Variants in CDH18 observed in about 807,000 individuals in gnomAD.
The protein encoded by CDH18 is cadherin 18.
In CDH18, 31 loss-of-function variants were observed where a neutral mutation model predicts 67.9. That is an observed-to-expected ratio of 0.46 (90% CI 0.34 to 0.62). The LOEUF is 0.62. Ranked by LOEUF, CDH18 falls within the 20% of genes least tolerant of loss-of-function variation. The pLI is 0.01. For synonymous variants in CDH18, 362 were observed against 347.2 expected (o/e 1.04, Z -0.48); for missense variants, 890 against 975.5 (o/e 0.91, Z 1.17).
intron 2 of CDH18, among the ~76,000 whole-genome samples, chr5:20,205,305 A>G (rs1163939772): frequency 6.6e-6 from 1 of 151,996 alleles, no homozygotes; most frequent in Non-Finnish European, 1.5e-5. Context: ...ATATAATAAT[A>G]AAAGATCAGT....
rs1277496785 is a variant in CDH18, at chr5:19,501,388, A to G, written c.1630+1604T>C. The stretch of plus-strand genomic sequence containing the variant: ...GAGGCCGAGGCGGGTAGATCACCTG[A>G]GGTCAGGAGTTCGAGATCAGCCTGG... On this transcript the variant is annotated intron_variant, in intron 11 of 12. Coordinates refer to ENST00000382275, the MANE Select transcript of CDH18 (RefSeq NM_004934.5). 2.7e-5 allele frequency among the ~76,000 whole-genome samples: 4 copies of G among 150,812 alleles called. No individual in the cohort carries two copies. In the Admixed American group the frequency reaches 2.7e-4, roughly 10 times the overall value.
intron 6 of CDH18, among the ~76,000 whole-genome samples, chr5:19,605,878 G>A (rs560082578): frequency 1.3e-5 from 2 of 152,074 alleles, no homozygotes; most frequent in African/African-American, 4.8e-5. Context: ...AAAGCACAGA[G>A]AAGAAGAAAC....
intron 5 of CDH18, among the ~76,000 whole-genome samples, chr5:19,642,851 G>A (rs904463585): frequency 6.6e-6 from 1 of 151,982 alleles, no homozygotes; most frequent in African/African-American, 2.4e-5. Flanking sequence ...ACAATTTGCT[G>A]CAAATAAAAC....
intron 1 of CDH18, among the ~76,000 whole-genome samples, chr5:20,345,852 A>G (rs1740657006): frequency 2.0e-5 from 3 of 152,108 alleles, no homozygotes; most frequent in Admixed American, 2.0e-4. Context: ...ATTTATAAGA[A>G]GTCCTCCACT....
chr5:20,549,726 A>G (rs868106250), intron 1 of CDH18, among the ~76,000 whole-genome samples: 1 of 152,144 alleles, frequency 6.6e-6, no homozygotes, highest in African/African-American at 2.4e-5. Context: ...ATAAACCGCT[A>G]TAGTAATTCA....
At chr5:20,479,665 A>T (rs77260160) in intron 1 of CDH18, among the ~76,000 whole-genome samples, 6,221 of 152,230 alleles carry the variant, frequency 0.041, 191 homozygotes, top group Non-Finnish European at 0.066. Context: ...TTGGCCTTAA[A>T]ATTATTGGCC....
intron 3 of CDH18, among the ~76,000 whole-genome samples, chr5:19,788,946 T>C (rs918739336): frequency 6.6e-6 from 1 of 152,128 alleles, no homozygotes; most frequent in African/African-American, 2.4e-5. Context: ...TAGGGGATTG[T>C]TTTTGGGGTG....
At chr5:19,960,300 C>T (rs1304783060) in intron 2 of CDH18, among the ~76,000 whole-genome samples, 24 of 151,874 alleles carry the variant, frequency 1.6e-4, no homozygotes, top group Non-Finnish European at 1.9e-4. Context: ...CTTTATTCTA[C>T]AAGCACTTCT....
chr5:20,057,977 G>A (rs2150503781), intron 2 of CDH18, among the ~76,000 whole-genome samples: 1 of 152,174 alleles, frequency 6.6e-6, no homozygotes, highest in East Asian at 1.9e-4. Context: ...AAAAAAGAAA[G>A]CCGTCATTAG....
chr5:19,612,662 A>G lies in CDH18; in HGVS notation c.644-61T>C. ...ATATAATAAGCAAGTATCAACAAAC[A>G]TACACATACATATTTTAAGAAATGT... On this transcript the variant is annotated intron_variant, in intron 5 of 12. Transcript: ENST00000382275. 3.4e-6 allele frequency: 4 copies of G among 1,181,646 alleles called. No individual in the cohort carries two copies. In the South Asian group the frequency reaches 4.0e-5, roughly 12 times the overall value. The allele number at this position is 1,181,646 out of a possible 1,614,324, so 73.2% of individuals were successfully genotyped here.
chr5:20,275,421 T>C (rs1745735821), intron 1 of CDH18, among the ~76,000 whole-genome samples: 1 of 152,160 alleles, frequency 6.6e-6, no homozygotes, highest in Admixed American at 6.5e-5. Flanking sequence ...TTATCATGCT[T>C]CCTGTTAAGC....
chr5:20,426,056 TA>T (rs1369969732), intron 1 of CDH18, among the ~76,000 whole-genome samples: 2 of 151,244 alleles, frequency 1.3e-5, no homozygotes, highest in East Asian at 1.9e-4. Context: ...TTTCATCAAA[TA>T]TTAGGCAATA....
intron 2 of CDH18, among the ~76,000 whole-genome samples, chr5:20,248,550 C>T (rs942160004): frequency 6.6e-6 from 1 of 152,158 alleles, no homozygotes; most frequent in Admixed American, 6.5e-5. Context: ...TCTCTGATGC[C>T]ATTTCCAGAG....
intron 8 of CDH18, among the ~76,000 whole-genome samples, chr5:19,544,633 G>A (rs1403223618): frequency 1.3e-5 from 2 of 152,020 alleles, no homozygotes; most frequent in African/African-American, 2.4e-5. Context: ...CTTATATTGC[G>A]TTAGATTTCA....
At chr5:20,106,002 T>C (rs1386372983) in intron 2 of CDH18, among the ~76,000 whole-genome samples, 1 of 152,164 alleles carries the variant, frequency 6.6e-6, no homozygotes, top group Non-Finnish European at 1.5e-5. Flanking sequence ...CTCTTTTCTG[T>C]CCCCCTTTTT....
chr5:19,715,665 GTATCT>G (rs1038175450), intron 5 of CDH18, among the ~76,000 whole-genome samples: 4 of 151,990 alleles, frequency 2.6e-5, no homozygotes, highest in Admixed American at 2.6e-4. Context: ...AGTTCATAAT[GTATCT>G]TATCTTTTTA....
chr5:20,089,214 C>T (rs957988629), intron 2 of CDH18, among the ~76,000 whole-genome samples: 2 of 152,022 alleles, frequency 1.3e-5, no homozygotes, highest in Non-Finnish European at 2.9e-5. Context: ...AAAACAAACT[C>T]AACAATAGAT....
chr5:19,511,478 A>G (rs1745105879), intron 10 of CDH18, among the ~76,000 whole-genome samples: 2 of 152,266 alleles, frequency 1.3e-5, no homozygotes, highest in South Asian at 2.1e-4. Context: ...GGAACTTTCT[A>G]GAGACTCGTT....
intron 2 of CDH18, among the ~76,000 whole-genome samples, chr5:20,030,140 A>C (rs1739265412): frequency 6.6e-6 from 1 of 152,056 alleles, no homozygotes; most frequent in Non-Finnish European, 1.5e-5. Flanking sequence ...ATACAACTTT[A>C]CTCTGTCAAT....
Sources: allele counts gnomAD v4.1 joint callset (sites outside exome capture counted in the v4.1 genomes callset), GRCh38; gene constraint gnomAD v4.1.1; transcripts MANE v1.5; gene names NCBI Gene and HGNC (gene_info 2026-07-23, HGNC 2026-07-21).